TAF6: variants seen among roughly 807,000 people sequenced by gnomAD.
TAF6 encodes the protein TATA-box binding protein associated factor 6.
In TAF6, 50 loss-of-function variants were observed where a neutral mutation model predicts 73.5. The observed-to-expected ratio is 0.68, with a 90% CI of 0.54 to 0.86. The LOEUF is 0.86. Ranked by LOEUF, TAF6 falls within the 40% of genes least tolerant of loss-of-function variation. TAF6 has a pLI of 0.00. For missense variants in TAF6, 768 were observed against 899.5 expected (o/e 0.85, Z 1.87); for synonymous variants, 424 against 376.7 (o/e 1.13, Z -1.45).
Position 100,112,815 on chromosome 7 carries a change from G to A in TAF6, c.557C>T (p.Thr186Ile), listed in dbSNP as rs368038524. The change falls in exon 6 of 15, where the codon ACC (threonine) becomes ATC (isoleucine). Residue 186 changes from threonine to isoleucine, a missense_variant. This residue lies in a region of TAF6 where 269 missense variants were observed against 268.0 expected (regional missense o/e 1.00). Transcript: ENST00000453269. ...GPLKGKGQGA[T>I]TADGKGKEKK... ...GGACTGACCTTTGCCGTCGGCTGTGGTGGCCCCTTGACCTTTGCCCTTCAG... is the reference window on the plus strand; with the variant it reads ...GGACTGACCTTTGCCGTCGGCTGTGATGGCCCCTTGACCTTTGCCCTTCAG... 107 of 1,613,618 alleles carry A rather than the reference G, an allele frequency of 6.6e-5. 2 individuals carry two copies. In the South Asian group the frequency reaches 9.9e-4, roughly 15 times the overall value.
upstream of TAF6, chr7:100,121,114 ATATTTTTTTTTTTTTTTTTT>A (rs1798045200): frequency 2.9e-4 from 9 of 31,152 alleles, no homozygotes; most frequent in East Asian, 6.0e-4. Context: ...ATATATATAT[ATATTTTTTTTTTTTTTTTTT>A]TTTTTTTTTT....
At position 100,108,404 on chromosome 7, in the gene TAF6, G is replaced by C; in HGVS notation, c.1421C>G (p.Ala474Gly). The change falls in exon 13 of 15, where the codon GCT becomes GGT. Residue 474 changes from alanine (A) to glycine (G), a missense_variant. Coordinates refer to ENST00000453269, the MANE Select transcript of TAF6 (RefSeq NM_139315.3). ...VKARAQAALQ[A>G]QQVNRTTLTI... ...CAGAGTGGTCCTGTTGACCTGCTGA[G>C]CCTGCAGAGCAGCCTGGGCCCGAGC... The C allele has an allele frequency of 6.2e-7, 1 of 1,612,736 alleles. No individual in the cohort carries two copies.
chr7:100,122,602 C>T (rs1798106701), upstream of TAF6: 1 of 1,566,344 alleles, frequency 6.4e-7, no homozygotes, highest in South Asian at 1.2e-5. Flanking sequence ...CAGGGCAGGA[C>T]CCCACTTCTC....
chr7:100,117,332 C>T (rs1199240952), intron 1 of TAF6, among the ~76,000 whole-genome samples: 3 of 139,292 alleles, frequency 2.2e-5, no homozygotes, highest in African/African-American at 5.4e-5. Flanking sequence ...AGAGCAATGG[C>T]GCGATCTTGG....
At chr7:100,122,370 T>G, upstream of TAF6, 2 of 1,614,156 alleles carry the variant, frequency 1.2e-6, no homozygotes, top group Non-Finnish European at 1.7e-6. Flanking sequence ...AAGAGACACG[T>G]GCCTTACAGC....
At chr7:100,124,774 G>C (rs1798168518), upstream of TAF6, 3 of 1,613,886 alleles carry the variant, frequency 1.9e-6, no homozygotes, top group Non-Finnish European at 1.7e-6. Context: ...ATGGGGAAGA[G>C]AAAACAGAAG....
At position 100,114,234 on chromosome 7, in the gene TAF6, G is replaced by C. The variant is rs751162260; in HGVS notation, c.-25C>G. 8 of 1,613,750 alleles carry C rather than the reference G, an allele frequency of 5.0e-6. No individual in the cohort carries two copies. The highest frequency in any genetic ancestry group is 6.8e-6 in the Non-Finnish European group (8 of 1,180,046). ...TTCTGGAGTCCCTCTTCTCCTCCCT[G>C]GAAGGATGAAGCCCCCGGTGGAGAG... On this transcript the variant is annotated 5_prime_UTR_variant, in exon 2 of 15. Coordinates refer to ENST00000453269, the MANE Select transcript of TAF6 (RefSeq NM_139315.3).
intron 6 of TAF6, 41 bp downstream of exon 6, chr7:100,112,757 T>C: frequency 6.5e-7 from 1 of 1,549,080 alleles, no homozygotes. Flanking sequence ...CCATGTGGCT[T>C]TGGGCAAGAG....
At chr7:100,110,098 A>C in intron 11 of TAF6, 25 bp from the exon 12 acceptor site, 1 of 1,614,012 alleles carries the variant, frequency 6.2e-7, no homozygotes, top group South Asian at 1.1e-5. Flanking sequence ...AAGGACAAGC[A>C]AAAGCCGGAG....
upstream of TAF6, among the ~76,000 whole-genome samples, chr7:100,124,120 G>C (rs1486903113): frequency 2.7e-5 from 4 of 150,858 alleles, no homozygotes; most frequent in Admixed American, 2.0e-4. Context: ...CTGGGTGACA[G>C]AGCGAGACTC....
upstream of TAF6, among the ~76,000 whole-genome samples, chr7:100,123,613 C>CG (rs1798130195): frequency 6.6e-6 from 1 of 152,034 alleles, no homozygotes; most frequent in Non-Finnish European, 1.5e-5. Flanking sequence ...CTCCGCCTCC[C>CG]GGGTTCAAGC....
At position 100,107,334 on chromosome 7, in the gene TAF6, T is replaced by C; in HGVS notation, c.1946A>G (p.Glu649Gly). 1 of 1,545,298 alleles carries C rather than the reference T, an allele frequency of 6.5e-7. No homozygotes were observed. The highest frequency in any genetic ancestry group is 8.7e-7 in the Non-Finnish European group (1 of 1,145,020). ...AGCTGGAGGGGGACTGTCCCCAGCC[T>C]CCTGCTTCCCCCCACAAAGGGCACT... Reference protein sequence around the residue: ...SGSALCGGKQEAGDSPPPAPG... With the variant: ...SGSALCGGKQGAGDSPPPAPG... Residue 649 changes from glutamate to glycine, a missense_variant, in exon 15 of 15, where the codon GAG (glutamate) becomes GGG (glycine). Glu to Gly is a moderately conservative substitution (Grantham distance 98, BLOSUM62 -2). Transcript: ENST00000453269.
chr7:100,108,618 T>A, intron 12 of TAF6, 78 bp from the exon 13 acceptor site: 1 of 1,482,586 alleles, frequency 6.7e-7, no homozygotes, highest in Non-Finnish European at 9.1e-7. Context: ...GTGACACTCT[T>A]GAGAAGAACC....
upstream of TAF6, among the ~76,000 whole-genome samples, chr7:100,123,610 T>C (rs1484301295): frequency 6.6e-6 from 1 of 151,926 alleles, no homozygotes; most frequent in Non-Finnish European, 1.5e-5. Flanking sequence ...GACCTCCGCC[T>C]CCCGGGTTCA....
chr7:100,107,724 C>T (rs1796688294), intron 14 of TAF6, 101 bp from the exon 15 acceptor site: 3 of 1,381,358 alleles, frequency 2.2e-6, no homozygotes, highest in South Asian at 1.4e-5. Flanking sequence ...ACAAGTTGTT[C>T]CTGTAGTTCA....
At chr7:100,124,200 G>A (rs1435173682), upstream of TAF6, among the ~76,000 whole-genome samples, 1 of 151,378 alleles carries the variant, frequency 6.6e-6, no homozygotes, top group Non-Finnish European at 1.5e-5. Flanking sequence ...AGCACCTACT[G>A]TGTCCCAGAC....
chr7:100,114,358 A>T, intron 1 of TAF6, 90 bp from the exon 2 acceptor site: 1 of 1,274,186 alleles, frequency 7.8e-7, no homozygotes, highest in Non-Finnish European at 1.1e-6. Flanking sequence ...ACAGGGGAGG[A>T]ACTCCGAGTG....
At chr7:100,120,657 C>T (rs577892820), upstream of TAF6, among the ~76,000 whole-genome samples, 20 of 152,328 alleles carry the variant, frequency 1.3e-4, no homozygotes, top group South Asian at 4.1e-3. Context: ...TCTCCCCTGA[C>T]CTGTCAATCT....
At position 100,114,661 on chromosome 7, in the gene TAF6, A is replaced by G. The variant is rs937296994; in HGVS notation, c.-59-393T>C. The G allele has an allele frequency of 1.5e-5, 5 of 342,710 alleles. No homozygotes were observed. The East Asian group carries it at 2.8e-4, about 19-fold the overall frequency. The allele number at this position is 342,710 out of a possible 1,614,324, so 21.2% of individuals were successfully genotyped here. On this transcript the variant is annotated intron_variant, in intron 1 of 14. Coordinates refer to ENST00000453269, the MANE Select transcript of TAF6 (RefSeq NM_139315.3). The stretch of plus-strand genomic sequence containing the variant: ...CTTGAAACCAGAGGGCAGAGGTTGC[A>G]GTGAGCCGAGATCACGCCACTGCAC...
Sources: allele counts gnomAD v4.1 joint callset (sites outside exome capture counted in the v4.1 genomes callset), GRCh38; gene constraint gnomAD v4.1.1; regional missense constraint gnomAD v4.1.1; transcripts MANE v1.5; gene names NCBI Gene and HGNC (gene_info 2026-07-23, HGNC 2026-07-21).